The following POLE4 variants were observed in gnomAD, a reference collection of about 807,000 sequenced individuals.
POLE4 encodes the protein DNA polymerase epsilon subunit 4.
Under a neutral mutation model 15.6 loss-of-function variants are expected in POLE4, and 15 were observed. That is an observed-to-expected ratio of 0.96 (90% CI 0.64 to 1.48). The LOEUF (loss-of-function observed/expected upper bound fraction) is 1.48. Ranked by LOEUF, POLE4 falls within the 40% of genes most tolerant of loss-of-function variation. The probability of loss-of-function intolerance (pLI) is 0.00; values close to 1 mark genes in which losing one functional copy is unlikely to be tolerated. For synonymous variants in POLE4, 83 were observed against 63.2 expected, an observed-to-expected ratio of 1.31 and a Z score of -1.49; for missense variants, 205 against 151.9, an observed-to-expected ratio of 1.35 and a Z score of -1.84.
chr2:74,958,980 C>A, intron 1 of POLE4, 88 bp downstream of exon 1: 7 of 1,231,600 alleles, frequency 5.7e-6, no homozygotes, highest in Non-Finnish European at 7.9e-6. Context: ...GGGCTTAGGG[C>A]GGCGTGGCCC....
Position 74,958,683 on chromosome 2 carries a change from G to T in POLE4, c.4G>T (p.Ala2Ser). 7.0e-7 allele frequency: 1 copy of T among 1,423,070 alleles called. No individual in the cohort carries two copies. Among genetic ancestry groups the T allele is most frequent in the Middle Eastern group, 2.1e-4 (1 of 4,798 alleles). 88.2% of individuals were successfully genotyped at this position (1,423,070 alleles called of 1,614,324 possible). A position where few individuals can be genotyped will look rare whatever the true frequency, so the allele number is the denominator to read the frequency against. M[A>S]AAAAAGSGTP... Reference sequence around the variant, plus strand: ...GCGCAGCACGCTCAAGGCCGGGATGGCGGCGGCGGCGGCGGCAGGAAGCGG... The same window carrying T: ...GCGCAGCACGCTCAAGGCCGGGATGTCGGCGGCGGCGGCGGCAGGAAGCGG... Residue 2 changes from alanine (A) to serine (S), a missense_variant, in exon 1 of 4, where the codon GCG becomes TCG. By Grantham distance (99) the Ala-to-Ser change is moderately conservative. Coordinates refer to ENST00000483063, the MANE Select transcript of POLE4 (RefSeq NM_019896.4).
chr2:74,960,483 A>G (rs1671201086), intron 3 of POLE4: 1 of 462,042 alleles, frequency 2.2e-6, no homozygotes, highest in African/African-American at 2.0e-5. Flanking sequence ...ACAGATCAGA[A>G]ACAATTGTTA....
intron 3 of POLE4, among the ~76,000 whole-genome samples, chr2:74,960,901 T>G (rs559161450): frequency 3.9e-5 from 6 of 152,354 alleles, no homozygotes; most frequent in African/African-American, 1.4e-4. Flanking sequence ...TTTGTTTAAA[T>G]ACACTTATCC....
At chr2:74,965,379 G>A (rs10169674) in intron 3 of POLE4, among the ~76,000 whole-genome samples, 3 of 152,264 alleles carry the variant, frequency 2.0e-5, no homozygotes, top group South Asian at 2.1e-4. Flanking sequence ...GATTACAGGC[G>A]TGAGCCACCG....
chr2:74,959,209 A>G, intron 1 of POLE4, 132 bp from the exon 2 acceptor site: 1 of 641,954 alleles, frequency 1.6e-6, no homozygotes, highest in Non-Finnish European at 2.8e-6. Context: ...AGTCCAGGAC[A>G]ATCTTAGCTT....
rs555324891 is a variant in POLE4, at chr2:74,969,715, G to C, written c.*293G>C. 2.2e-6 allele frequency: 1 copy of C among 454,792 alleles called. No individual in the cohort carries two copies. The highest frequency in any genetic ancestry group is 3.3e-5 in the Admixed American group (1 of 30,090). 28.2% of individuals were successfully genotyped at this position (454,792 alleles called of 1,614,324 possible). On this transcript the variant is annotated 3_prime_UTR_variant, in exon 4 of 4. Coordinates refer to ENST00000483063, the MANE Select transcript of POLE4 (RefSeq NM_019896.4). ...CCTGAATGATGAGGACCAGAATAAA[G>C]GTTTTTGATCAACCTCAGTCCAGTG...
At chr2:74,966,893 C>T (rs1358067268) in intron 3 of POLE4, among the ~76,000 whole-genome samples, 1 of 151,738 alleles carries the variant, frequency 6.6e-6, no homozygotes, top group Non-Finnish European at 1.5e-5. Context: ...TTTCTTTTAG[C>T]ACATTGAAGC....
chr2:74,959,969 A>G, intron 2 of POLE4, 136 bp from the exon 3 acceptor site: 1 of 698,696 alleles, frequency 1.4e-6, no homozygotes, highest in Non-Finnish European at 2.6e-6. Flanking sequence ...TATGGATCTC[A>G]AGGCAGCAAG....
chr2:74,961,825 C>T (rs1358888165), intron 3 of POLE4, among the ~76,000 whole-genome samples: 1 of 152,146 alleles, frequency 6.6e-6, no homozygotes, highest in Non-Finnish European at 1.5e-5. Flanking sequence ...GCCATCATAG[C>T]CCCTGTGGAT....
intron 3 of POLE4, chr2:74,960,704 G>A (rs17040394): frequency 0.017 from 7,359 of 433,226 alleles, 450 homozygotes; most frequent in African/African-American, 0.13. Context: ...TAATTCTTCA[G>A]TCTGATCAGC....
intron 3 of POLE4, 116 bp from the exon 4 acceptor site, chr2:74,969,293 G>A: frequency 1.1e-6 from 1 of 895,960 alleles, no homozygotes; most frequent in South Asian, 1.3e-5. Flanking sequence ...TAGTATTTTG[G>A]TCTTAGAGAA....
At position 74,958,671 on chromosome 2, in the gene POLE4, AAG is replaced by A. The variant is rs1218606076; in HGVS notation, c.-8_-7del. 6.9e-7 allele frequency: 1 copy of A among 1,442,004 alleles called. No homozygotes were observed. The highest frequency in any genetic ancestry group is 1.5e-5 in the African/African-American group (1 of 65,906). The allele number at this position is 1,442,004 out of a possible 1,614,324, so 89.3% of individuals were successfully genotyped here. A position where few individuals can be genotyped will look rare whatever the true frequency, so the allele number is the denominator to read the frequency against. On this transcript the variant is annotated 5_prime_UTR_variant, in exon 1 of 4. Transcript: ENST00000483063. Reference sequence around the variant, plus strand: ...GTCGGCGGCCGCGCGCAGCACGCTCAAGGCCGGGATGGCGGCGGCGGCGGCGG... The same window carrying A: ...GTCGGCGGCCGCGCGCAGCACGCTCAGCCGGGATGGCGGCGGCGGCGGCGG...
At chr2:74,962,349 T>C (rs1231131616) in intron 3 of POLE4, among the ~76,000 whole-genome samples, 1 of 152,208 alleles carries the variant, frequency 6.6e-6, no homozygotes, top group African/African-American at 2.4e-5. Flanking sequence ...AGCTATCAAT[T>C]TGTGTTATCT....
chr2:74,960,394 G>A (rs1484077934), intron 3 of POLE4, among the ~76,000 whole-genome samples: 1 of 152,200 alleles, frequency 6.6e-6, no homozygotes, highest in Non-Finnish European at 1.5e-5. Flanking sequence ...GATCCCAGTG[G>A]AGTTAGATGA....
intron 1 of POLE4, 81 bp from the exon 2 acceptor site, chr2:74,959,260 T>C (rs986098863): frequency 1.3e-5 from 11 of 841,932 alleles, no homozygotes; most frequent in African/African-American, 3.4e-5. Flanking sequence ...TCTCCCTTTC[T>C]GCCCCCACCC....
At chr2:74,967,260 AT>A in intron 3 of POLE4, among the ~76,000 whole-genome samples, 1 of 146,540 alleles carries the variant, frequency 6.8e-6, no homozygotes, top group Non-Finnish European at 1.5e-5. Flanking sequence ...ATTCTGTGTA[AT>A]TTTTTCTGAT....
At chr2:74,961,487 TC>T in intron 3 of POLE4, 1 of 152,342 alleles carries the variant, frequency 6.6e-6, no homozygotes, top group South Asian at 2.1e-4. Context: ...AGTTCTGCAG[TC>T]AAAAATGTTT....
chr2:74,959,058 T>C, intron 1 of POLE4, 166 bp downstream of exon 1: 1 of 644,284 alleles, frequency 1.6e-6, no homozygotes, highest in Non-Finnish European at 2.7e-6. Context: ...GCGAGTTTTG[T>C]TAACACTCCT....
chr2:74,969,185 T>C (rs1295319815), intron 3 of POLE4, among the ~76,000 whole-genome samples: 1 of 152,236 alleles, frequency 6.6e-6, no homozygotes, highest in Non-Finnish European at 1.5e-5. Flanking sequence ...CCACTTCTAA[T>C]TCTAGCTCTT....
Sources: allele counts gnomAD v4.1 joint callset (sites outside exome capture counted in the v4.1 genomes callset), GRCh38; gene constraint gnomAD v4.1.1; transcripts MANE v1.5; gene names NCBI Gene and HGNC (gene_info 2026-07-23, HGNC 2026-07-21).